HDAC9: variants seen among roughly 807,000 people sequenced by gnomAD.
HDAC9 encodes the protein MEF-2 interacting transcription repressor (MITR) protein.
Under a neutral mutation model 139.4 loss-of-function variants are expected in HDAC9, and 41 were observed. The observed-to-expected ratio is 0.29, with a 90% CI of 0.23 to 0.38. HDAC9 has a LOEUF of 0.38. Ranked by LOEUF, HDAC9 falls within the 10% of genes least tolerant of loss-of-function variation. HDAC9 has a pLI of 1.00. For synonymous variants in HDAC9, 517 were observed against 476.2 expected, an observed-to-expected ratio of 1.09 and a Z score of -1.12; for missense variants, 1,147 against 1,297.0, an observed-to-expected ratio of 0.88 and a Z score of 1.78.
At chr7:18,995,165 C>T (rs1031460365) in intron 25 of HDAC9, among the ~76,000 whole-genome samples, 3 of 152,202 alleles carry the variant, frequency 2.0e-5, no homozygotes, top group African/African-American at 7.2e-5. Flanking sequence ...GAAACCAGAG[C>T]TTCACAAAAG....
At chr7:18,783,218 T>C (rs1791404467) in intron 16 of HDAC9, among the ~76,000 whole-genome samples, 1 of 152,102 alleles carries the variant, frequency 6.6e-6, no homozygotes, top group African/African-American at 2.4e-5. Context: ...CTAAAGCATT[T>C]CTAATTTTAC....
intron 1 of HDAC9, among the ~76,000 whole-genome samples, chr7:18,375,208 G>A (rs894112747): frequency 3.3e-5 from 5 of 152,308 alleles, no homozygotes; most frequent in Middle Eastern, 3.4e-3. Context: ...GGCGGCTCAC[G>A]CCTGGAATCC....
At chr7:18,597,328 G>A (rs1241302978) in intron 6 of HDAC9, among the ~76,000 whole-genome samples, 1 of 152,076 alleles carries the variant, frequency 6.6e-6, no homozygotes, top group African/African-American at 2.4e-5. Context: ...ACTTAAAGTA[G>A]TACTTCCTTC....
chr7:18,278,255 C>G (rs1265448451), intron 2 of HDAC9, among the ~76,000 whole-genome samples: 1 of 152,168 alleles, frequency 6.6e-6, no homozygotes, highest in African/African-American at 2.4e-5. Flanking sequence ...GACTTTAGAA[C>G]ACGTCAAGAG....
intron 11 of HDAC9, among the ~76,000 whole-genome samples, chr7:18,652,431 T>C (rs1319430442): frequency 6.6e-6 from 1 of 152,118 alleles, no homozygotes; most frequent in East Asian, 1.9e-4. Context: ...TAAAACAGAA[T>C]ACGTAACAGT....
chr7:18,587,649 A>G (rs1423121080), intron 3 of HDAC9, among the ~76,000 whole-genome samples: 1 of 152,230 alleles, frequency 6.6e-6, no homozygotes, highest in African/African-American at 2.4e-5. Context: ...TGAGGTAGAG[A>G]AAAATAATGA....
At chr7:18,229,460 C>T (rs546111029) in intron 2 of HDAC9, among the ~76,000 whole-genome samples, 21 of 152,292 alleles carry the variant, frequency 1.4e-4, no homozygotes, top group African/African-American at 5.1e-4. Flanking sequence ...ATTCCAGCAG[C>T]AGGCTCGGTG....
intron 1 of HDAC9, among the ~76,000 whole-genome samples, chr7:18,467,710 A>G (rs922222614): frequency 2.0e-4 from 30 of 152,316 alleles, no homozygotes; most frequent in South Asian, 4.1e-4. Flanking sequence ...TCATATCACT[A>G]TATTACGTTT....
At chr7:18,668,863 C>T (rs886516554) in intron 12 of HDAC9, 3 of 983,064 alleles carry the variant, frequency 3.1e-6, no homozygotes, top group Admixed American at 6.3e-5. Flanking sequence ...ATACACTTGG[C>T]TTTGTGTAAA....
intron 5 of HDAC9, 137 bp downstream of exon 5, chr7:18,591,779 A>T (rs1031661774): frequency 8.4e-7 from 1 of 1,187,298 alleles, no homozygotes; most frequent in Non-Finnish European, 1.2e-6. Flanking sequence ...TTCTCTAAGG[A>T]TCAGTTTCCT....
intron 1 of HDAC9, among the ~76,000 whole-genome samples, chr7:18,397,042 T>C (rs952347942): frequency 6.6e-6 from 1 of 152,026 alleles, no homozygotes; most frequent in African/African-American, 2.4e-5. Context: ...AAAAAGATCA[T>C]CGTCGACTCC....
chr7:18,180,273 A>ACC (rs1554322900), intron 2 of HDAC9, among the ~76,000 whole-genome samples: 2 of 139,378 alleles, frequency 1.4e-5, no homozygotes, highest in South Asian at 2.3e-4. Flanking sequence ...ACACACACAC[A>ACC]CCACATTCTT....
At chr7:18,365,741 C>T (rs954093427) in intron 1 of HDAC9, among the ~76,000 whole-genome samples, 1 of 151,856 alleles carries the variant, frequency 6.6e-6, no homozygotes, top group Admixed American at 6.6e-5. Flanking sequence ...ATTTGAACAT[C>T]ACATCTACTA....
intron 2 of HDAC9, among the ~76,000 whole-genome samples, chr7:18,190,999 A>G (rs975817539): frequency 1.3e-5 from 2 of 152,210 alleles, no homozygotes; most frequent in Non-Finnish European, 2.9e-5. Context: ...TTTTAGAATC[A>G]CAGGGATCAA....
At chr7:18,977,569 T>A (rs1784622704) in intron 25 of HDAC9, among the ~76,000 whole-genome samples, 1 of 152,122 alleles carries the variant, frequency 6.6e-6, no homozygotes, top group African/African-American at 2.4e-5. Flanking sequence ...CTCAGGTAAA[T>A]AGTGTGCTTG....
At chr7:18,625,893 G>A (rs1207787102) in intron 6 of HDAC9, among the ~76,000 whole-genome samples, 1 of 129,630 alleles carries the variant, frequency 7.7e-6, no homozygotes, top group Non-Finnish European at 1.5e-5. Context: ...GCAGCAGTGA[G>A]CCAAGATCGT....
chr7:18,309,556 C>T (rs1799162137), intron 1 of HDAC9, among the ~76,000 whole-genome samples: 1 of 152,102 alleles, frequency 6.6e-6, no homozygotes, highest in Non-Finnish European at 1.5e-5. Context: ...TCTATTCAGT[C>T]ATAGATTACA....
chr7:18,354,899 G>T lies in HDAC9; in HGVS notation c.-42+64384G>T, dbSNP rs138033200. Among the ~76,000 whole-genome samples the T allele has an allele frequency of 2.6e-5, 4 of 152,234 alleles. No homozygotes were observed. The East Asian group carries it at 7.7e-4, about 29-fold the overall frequency. On this transcript the variant is annotated intron_variant, in intron 1 of 3. Transcript: ENST00000413509. ...CTTGTTATCTCTGAGACCAGTGTTTGCATTCTTCCTGGTTTGTTCCTTAGG... is the reference window on the plus strand; with the variant it reads ...CTTGTTATCTCTGAGACCAGTGTTTTCATTCTTCCTGGTTTGTTCCTTAGG...
chr7:18,115,978 G>A (rs1274388030), intron 1 of HDAC9, among the ~76,000 whole-genome samples: 1 of 152,118 alleles, frequency 6.6e-6, no homozygotes, highest in Non-Finnish European at 1.5e-5. Context: ...ACGTTGAATT[G>A]TATCTCTATA....
Sources: allele counts gnomAD v4.1 joint callset (sites outside exome capture counted in the v4.1 genomes callset), GRCh38; gene constraint gnomAD v4.1.1; transcripts MANE v1.5; gene names NCBI Gene and HGNC (gene_info 2026-07-23, HGNC 2026-07-21).